ZNF410: variants seen among roughly 807,000 people sequenced by gnomAD.
ZNF410 encodes the protein another partner for ARF 1.
A neutral mutation model predicts 54.8 loss-of-function variants in ZNF410; 18 were observed. That is an observed-to-expected ratio of 0.33 (90% CI 0.23 to 0.49). The LOEUF (loss-of-function observed/expected upper bound fraction) is 0.49. ZNF410 is among the 20% of genes least tolerant of loss of function. The pLI is 0.99. For synonymous variants in ZNF410, 191 were observed against 207.3 expected (o/e 0.92, Z 0.68); for missense variants, 405 against 569.6 (o/e 0.71, Z 2.94).
At chr14:73,894,004 A>G (rs1389445768) in intron 3 of ZNF410, 72 bp downstream of exon 3, 3 of 1,519,792 alleles carry the variant, frequency 2.0e-6, no homozygotes, top group South Asian at 2.6e-5. Context: ...TTACTGGTGG[A>G]ATGAATATAT....
At chr14:73,898,928 T>A (rs1365848869) in intron 5 of ZNF410, among the ~76,000 whole-genome samples, 1 of 152,222 alleles carries the variant, frequency 6.6e-6, no homozygotes, top group Admixed American at 6.5e-5. Flanking sequence ...AGTCAAAAAC[T>A]TGGTTCTGAT....
chr14:73,896,704 T>C (rs2055322878), intron 4 of ZNF410, 170 bp downstream of exon 4: 1 of 600,564 alleles, frequency 1.7e-6, no homozygotes, highest in African/African-American at 1.9e-5. Context: ...GGGAGGACTC[T>C]AGTATGACTC....
intron 1 of ZNF410, among the ~76,000 whole-genome samples, chr14:73,889,130 ATC>A (rs1317507663): frequency 1.3e-5 from 2 of 152,224 alleles, no homozygotes; most frequent in Non-Finnish European, 2.9e-5. Flanking sequence ...AACAACAAAC[ATC>A]TGATAATTTC....
chr14:73,918,052 A>G lies in ZNF410; in HGVS notation c.1004-2928A>G, dbSNP rs530628257. ...TAGTACCTAATACAACGTAAATGCTATGTGAATAGTTATGCTATATTGGTT... is the reference window on the plus strand; with the variant it reads ...TAGTACCTAATACAACGTAAATGCTGTGTGAATAGTTATGCTATATTGGTT... On this transcript the variant is annotated intron_variant, in intron 8 of 11. Coordinates refer to ENST00000555044, the MANE Select transcript of ZNF410 (RefSeq NM_021188.3). Among the ~76,000 whole-genome samples the G allele has an allele frequency of 3.5e-3, 531 of 152,260 alleles. 2 individuals carry two copies. The highest frequency in any genetic ancestry group is 5.0e-3 in the Non-Finnish European group (340 of 68,020).
intron 5 of ZNF410, chr14:73,898,594 A>G: frequency 4.8e-6 from 2 of 420,386 alleles, no homozygotes; most frequent in Non-Finnish European, 8.4e-6. Context: ...AACTTCATAT[A>G]CTTAGAGCTC....
chr14:73,894,764 G>A (rs1320529122), intron 3 of ZNF410, among the ~76,000 whole-genome samples: 1 of 152,140 alleles, frequency 6.6e-6, no homozygotes, highest in African/African-American at 2.4e-5. Flanking sequence ...CCTGGTACGA[G>A]AAGGAAAAAG....
At chr14:73,899,330 A>G in intron 5 of ZNF410, among the ~76,000 whole-genome samples, 1 of 151,160 alleles carries the variant, frequency 6.6e-6, no homozygotes. Flanking sequence ...CAGGTCTCAA[A>G]CTCCTGGACT....
At chr14:73,919,699 C>G (rs1426072847) in intron 8 of ZNF410, among the ~76,000 whole-genome samples, 2 of 152,018 alleles carry the variant, frequency 1.3e-5, no homozygotes, top group Non-Finnish European at 2.9e-5. Flanking sequence ...TGATGGGCAC[C>G]TGGGTTGATT....
At chr14:73,904,154 A>G in intron 6 of ZNF410, 44 bp downstream of exon 6, 2 of 1,578,746 alleles carry the variant, frequency 1.3e-6, no homozygotes, top group African/African-American at 2.7e-5. Flanking sequence ...CGTTGATGCA[A>G]AAGTTGATTC....
At chr14:73,928,438 A>G (rs563649544) in intron 11 of ZNF410, among the ~76,000 whole-genome samples, 1 of 152,202 alleles carries the variant, frequency 6.6e-6, no homozygotes, top group African/African-American at 2.4e-5. Flanking sequence ...AGGTCTTACA[A>G]GGCATGATTT....
chr14:73,924,232 T>C (rs1427356913), intron 11 of ZNF410, among the ~76,000 whole-genome samples: 1 of 152,126 alleles, frequency 6.6e-6, no homozygotes, highest in Non-Finnish European at 1.5e-5. Flanking sequence ...GCAACCTAGA[T>C]CCCTCAAATA....
intron 8 of ZNF410, among the ~76,000 whole-genome samples, chr14:73,910,987 C>T (rs1472664184): frequency 6.6e-6 from 1 of 151,934 alleles, no homozygotes; most frequent in African/African-American, 2.4e-5. Flanking sequence ...TAGAGGGGCT[C>T]TGTAGACTAG....
intron 10 of ZNF410, 114 bp downstream of exon 10, chr14:73,922,320 A>G (rs1669620318): frequency 1.1e-5 from 13 of 1,145,270 alleles, no homozygotes; most frequent in Non-Finnish European, 1.4e-5. Context: ...TAGCTGTGGT[A>G]TGAGTAGCAT....
At chr14:73,894,396 C>T (rs2055278184) in intron 3 of ZNF410, 1 of 700,858 alleles carries the variant, frequency 1.4e-6, no homozygotes, top group African/African-American at 1.8e-5. Flanking sequence ...GAAAGTCAGG[C>T]TGCAGTGACT....
At chr14:73,889,365 T>TA (rs1297921762) in intron 1 of ZNF410, among the ~76,000 whole-genome samples, 1 of 140,744 alleles carries the variant, frequency 7.1e-6, no homozygotes, top group African/African-American at 2.7e-5. Flanking sequence ...TTTGTAGAAA[T>TA]AGAGTCTCAC....
chr14:73,895,993 A>G (rs1566651951), intron 3 of ZNF410, among the ~76,000 whole-genome samples: 2 of 152,220 alleles, frequency 1.3e-5, no homozygotes, highest in South Asian at 2.1e-4. Flanking sequence ...TTGTATAGCT[A>G]TATTTTTCAA....
At chr14:73,909,319 T>G in intron 7 of ZNF410, 22 bp from the exon 8 acceptor site, 1 of 1,602,064 alleles carries the variant, frequency 6.2e-7, no homozygotes. Context: ...GACTGAGTCT[T>G]TATCTCATTT....
Position 73,892,047 on chromosome 14 carries a change from A to G in ZNF410, c.-129A>G. ...TCTAGGTTACATTGATTACCCACCT[A>G]GTACAACATCTTACGGGAAGAGCAT... is the stretch of plus-strand genomic sequence containing the variant. On this transcript the variant is annotated 5_prime_UTR_variant, in exon 2 of 12. Coordinates refer to ENST00000555044, the MANE Select transcript of ZNF410 (RefSeq NM_021188.3). 1 of 1,040,116 alleles carries G rather than the reference A, an allele frequency of 9.6e-7. No individual in the cohort carries two copies. Among genetic ancestry groups the G allele is most frequent in the Non-Finnish European group, 1.5e-6 (1 of 658,888 alleles). 64.4% of individuals were successfully genotyped at this position (1,040,116 alleles called of 1,614,324 possible).
chr14:73,897,826 G>C (rs949151912), intron 4 of ZNF410, among the ~76,000 whole-genome samples: 1 of 152,002 alleles, frequency 6.6e-6, no homozygotes, highest in African/African-American at 2.4e-5. Flanking sequence ...ACAAAAATTA[G>C]CCGGGCGTGG....
Sources: gnomAD v4.1 joint callset for allele counts (sites outside exome capture counted in the v4.1 genomes callset) on GRCh38, gnomAD v4.1.1 for gene constraint, MANE v1.5 for transcripts, NCBI Gene and HGNC (gene_info 2026-07-23, HGNC 2026-07-21) for gene names.